CMSS1: variants seen among roughly 807,000 people sequenced by gnomAD.
CMSS1 encodes the protein cms1 ribosomal small subunit homolog, also known as protein CMSS1.
CMSS1 carries 33 observed loss-of-function variants against 43.5 expected under a neutral mutation model. The observed-to-expected ratio is 0.76, with a 90% confidence interval of 0.57 to 1.01. The LOEUF is 1.01. Among genes scored for constraint, CMSS1 ranks in the 50% least tolerant of loss-of-function variants. The probability of loss-of-function intolerance (pLI) is 0.00; values close to 1 mark genes in which losing one functional copy is unlikely to be tolerated. For missense variants in CMSS1, 313 were observed against 326.4 expected, an observed-to-expected ratio of 0.96 and a Z score of 0.32; for synonymous variants, 115 against 117.2, an observed-to-expected ratio of 0.98 and a Z score of 0.12.
chr3:99,931,090 C>CTAT, intron 1 of CMSS1: 1 of 1,366,404 alleles, frequency 7.3e-7, no homozygotes, highest in Non-Finnish European at 1.0e-6. Context: ...ATAAGAGTAC[C>CTAT]TATTACTGCT....
intron 1 of CMSS1, among the ~76,000 whole-genome samples, chr3:99,913,142 C>T (rs1359286226): frequency 6.6e-6 from 1 of 152,198 alleles, no homozygotes; most frequent in Non-Finnish European, 1.5e-5. Flanking sequence ...TTCTAGCACC[C>T]TCATCTCTGA....
chr3:100,023,095 A>G (rs1291323433), intron 1 of CMSS1, among the ~76,000 whole-genome samples: 2 of 152,212 alleles, frequency 1.3e-5, no homozygotes, highest in Non-Finnish European at 2.9e-5. Context: ...TCAGTAGTAA[A>G]GAGATGGTGC....
At chr3:100,005,223 T>C (rs1010317934) in intron 1 of CMSS1, among the ~76,000 whole-genome samples, 1 of 152,154 alleles carries the variant, frequency 6.6e-6, no homozygotes, top group Non-Finnish European at 1.5e-5. Flanking sequence ...AAATGAAAGG[T>C]TGTTGGTGAT....
chr3:100,102,237 A>G (rs1321403687), intron 1 of CMSS1, among the ~76,000 whole-genome samples: 5 of 152,200 alleles, frequency 3.3e-5, no homozygotes, highest in Admixed American at 3.3e-4. Flanking sequence ...AGTCCCATCA[A>G]CAGTGTAAAA....
intron 1 of CMSS1, among the ~76,000 whole-genome samples, chr3:99,946,910 G>A (rs968928463): frequency 6.6e-6 from 1 of 152,006 alleles, no homozygotes; most frequent in Non-Finnish European, 1.5e-5. Flanking sequence ...AGAGGTGGGC[G>A]GATCTCCTGA....
rs192005854 is a variant in CMSS1 at position 99,906,961 on chromosome 3, G to A, written c.64+88918G>A. 3.5e-4 allele frequency among the ~76,000 whole-genome samples: 53 copies of A among 152,272 alleles called. 1 individual carries two copies. Among genetic ancestry groups the A allele is most frequent in the East Asian group, 3.5e-3 (18 of 5,192 alleles). On this transcript the variant is annotated intron_variant, in intron 1 of 9. Coordinates refer to ENST00000421999, the MANE Select transcript of CMSS1 (RefSeq NM_032359.4). Reference sequence around the variant, plus strand: ...TCTGAATGGTTTCATGGAGCAGAACGACTTTTAAGTTTATTTAAATAATAT... The same window carrying A: ...TCTGAATGGTTTCATGGAGCAGAACAACTTTTAAGTTTATTTAAATAATAT...
At chr3:100,087,449 T>C (rs1201565720) in intron 1 of CMSS1, among the ~76,000 whole-genome samples, 2 of 152,250 alleles carry the variant, frequency 1.3e-5, no homozygotes, top group African/African-American at 4.8e-5. Flanking sequence ...TAGTGGTATC[T>C]CCTTGTGGTT....
intron 1 of CMSS1, among the ~76,000 whole-genome samples, chr3:99,919,609 G>C (rs1707061521): frequency 2.0e-5 from 3 of 151,784 alleles, no homozygotes; most frequent in Admixed American, 2.0e-4. Flanking sequence ...AAGAAAATTT[G>C]ATGTTTTTGA....
intron 1 of CMSS1, among the ~76,000 whole-genome samples, chr3:100,038,944 A>G (rs1233333147): frequency 6.6e-6 from 1 of 152,240 alleles, no homozygotes; most frequent in Non-Finnish European, 1.5e-5. Flanking sequence ...GTTTGTCTGC[A>G]TATGTATAAA....
At chr3:99,899,441 A>G (rs1013124679) in intron 1 of CMSS1, among the ~76,000 whole-genome samples, 6 of 152,214 alleles carry the variant, frequency 3.9e-5, no homozygotes, top group African/African-American at 1.4e-4. Flanking sequence ...TTCTACCTAA[A>G]TCTTTTTACA....
rs554998841 is a variant in CMSS1 at position 99,848,221 on chromosome 3, G to T, written c.64+30178G>T. On this transcript the variant is annotated intron_variant, in intron 1 of 9. Coordinates refer to ENST00000421999, the MANE Select transcript of CMSS1 (RefSeq NM_032359.4). ...GGGATATGGAGGGATGATTAAAAAA[G>T]GATTGAGTTCCTTGCAAAAATATCA... 114 of 1,577,390 alleles carry T rather than the reference G, an allele frequency of 7.2e-5. No individual in the cohort carries two copies. In the African/African-American group the frequency reaches 1.3e-3, roughly 19 times the overall value.
intron 1 of CMSS1, among the ~76,000 whole-genome samples, chr3:100,020,673 G>C (rs2064795012): frequency 6.7e-6 from 1 of 149,406 alleles, no homozygotes; most frequent in Non-Finnish European, 1.5e-5. Flanking sequence ...TTTATTTTTA[G>C]TGATTTCATT....
intron 1 of CMSS1, among the ~76,000 whole-genome samples, chr3:100,033,991 C>T (rs1463955212): frequency 6.6e-6 from 1 of 152,170 alleles, no homozygotes; most frequent in African/African-American, 2.4e-5. Flanking sequence ...CACAACCAGA[C>T]ACACAGTATG....
intron 1 of CMSS1, among the ~76,000 whole-genome samples, chr3:99,967,453 T>A (rs548920470): frequency 1.0e-3 from 158 of 152,332 alleles, no homozygotes; most frequent in Admixed American, 2.3e-3. Flanking sequence ...TTTAATGCAT[T>A]GCAGGAAGAA....
intron 2 of CMSS1, among the ~76,000 whole-genome samples, chr3:100,160,076 T>C (rs560039462): frequency 1.3e-5 from 2 of 152,282 alleles, no homozygotes; most frequent in South Asian, 4.1e-4. Context: ...TCTTACCACA[T>C]CTTAATTTTA....
Position 99,817,955 on chromosome 3 carries a change from T to A in CMSS1, c.-25T>A. On this transcript the variant is annotated 5_prime_UTR_variant, in exon 1 of 10. Transcript: ENST00000421999. ...AGCTGGTCGCCTACCCGTGATGTTC[T>A]GCCCACGTCGAGACCTGAGCTGAAA... 6.2e-7 allele frequency: 1 copy of A among 1,613,356 alleles called. No homozygotes were observed.
chr3:99,818,087 C>A, intron 1 of CMSS1, 44 bp downstream of exon 1: 5 of 1,582,142 alleles, frequency 3.2e-6, no homozygotes, highest in Admixed American at 1.7e-5. Context: ...TCTCCCGGAG[C>A]CCTTCCGTGC....
intron 1 of CMSS1, among the ~76,000 whole-genome samples, chr3:100,043,573 A>G (rs892776429): frequency 6.6e-6 from 1 of 152,144 alleles, no homozygotes. Context: ...CCTTTTAACC[A>G]TCTAACTAGC....
chr3:99,880,791 AT>A (rs1441370961), intron 1 of CMSS1, among the ~76,000 whole-genome samples: 3 of 152,224 alleles, frequency 2.0e-5, no homozygotes, highest in Non-Finnish European at 4.4e-5. Flanking sequence ...ACTGCCAACT[AT>A]TAACAATTCA....
Sources: gnomAD v4.1 joint callset for allele counts (sites outside exome capture counted in the v4.1 genomes callset) on GRCh38, gnomAD v4.1.1 for gene constraint, MANE v1.5 for transcripts, NCBI Gene and HGNC (gene_info 2026-07-23, HGNC 2026-07-21) for gene names.